The following ADORA1 variants were observed in gnomAD, a reference collection of about 807,000 sequenced individuals.
ADORA1 encodes adenosine A1 receptor.
A neutral mutation model predicts 19.9 loss-of-function variants in ADORA1; 6 were observed. The observed-to-expected ratio is 0.30, with a 90% CI of 0.17 to 0.59. The LOEUF (loss-of-function observed/expected upper bound fraction) is 0.59. Ranked by LOEUF, ADORA1 falls within the 20% of genes least tolerant of loss-of-function variation. The pLI, the probability that ADORA1 is intolerant of heterozygous loss-of-function variation, is 0.87. For missense variants in ADORA1, 302 were observed against 439.2 expected, an observed-to-expected ratio of 0.69 and a Z score of 2.79; for synonymous variants, 194 against 188.4, an observed-to-expected ratio of 1.03 and a Z score of -0.24.
At chr1:203,143,004 G>A (rs1654743544) in intron 3 of ADORA1, among the ~76,000 whole-genome samples, 1 of 152,212 alleles carries the variant, frequency 6.6e-6, no homozygotes, top group Admixed American at 6.5e-5. Context: ...AGCTGATAGA[G>A]TGGCCTGGAT....
rs1191364718 is a variant in ADORA1 at position 203,128,156 on chromosome 1, TGTCCTGGGCTCC to T, written c.-212-117_-212-106del. The T allele has an allele frequency of 2.0e-5, 8 of 390,880 alleles. No individual in the cohort carries two copies. Among genetic ancestry groups the T allele is most frequent in the Non-Finnish European group, 3.7e-5 (8 of 215,984 alleles). The allele number at this position is 390,880 out of a possible 1,614,324, so 24.2% of individuals were successfully genotyped here. Reference sequence around the variant, plus strand: ...GGAATAGGGAGAAACGCCCCAGCCTTGTCCTGGGCTCCGTCCCCAGACCCACGTCTGCCACCC... The same window carrying T: ...GGAATAGGGAGAAACGCCCCAGCCTTGTCCCCAGACCCACGTCTGCCACCC... On this transcript the variant is annotated intron_variant, in intron 1 of 3. Coordinates refer to ENST00000337894, the MANE Select transcript of ADORA1 (RefSeq NM_000674.3). The surrounding 1 kb of genome is among the most constrained non-coding windows in gnomAD (Gnocchi z 5.9).
rs1388307102 is a variant in ADORA1 at position 203,128,326 on chromosome 1, C to T, written c.-164C>T. 9 of 1,287,416 alleles carry T rather than the reference C, an allele frequency of 7.0e-6. No individual in the cohort carries two copies. Among genetic ancestry groups the T allele is most frequent in the South Asian group, 1.2e-5 (1 of 80,924 alleles). 79.7% of individuals were successfully genotyped at this position (1,287,416 alleles called of 1,614,324 possible). A position where few individuals can be genotyped will look rare whatever the true frequency, so the allele number is the denominator to read the frequency against. On this transcript the variant is annotated 5_prime_UTR_variant, in exon 2 of 4. Coordinates refer to ENST00000337894, the MANE Select transcript of ADORA1 (RefSeq NM_000674.3). The surrounding 1 kb of genome is among the most constrained non-coding windows in gnomAD (Gnocchi z 5.9). ...GGAGCCGGAGGACTATGAGCTGCCG[C>T]GCGTTGTCCAGAGCCCAGCCCAGCC...
intron 3 of ADORA1, among the ~76,000 whole-genome samples, chr1:203,141,878 C>T (rs551594562): frequency 6.6e-6 from 1 of 152,256 alleles, no homozygotes; most frequent in African/African-American, 2.4e-5. Context: ...CCACCACACC[C>T]GGCCTAACCT....
chr1:203,138,572 G>A (rs1260412756), intron 3 of ADORA1, among the ~76,000 whole-genome samples: 1 of 152,240 alleles, frequency 6.6e-6, no homozygotes, highest in Non-Finnish European at 1.5e-5. Flanking sequence ...ACAAATGGGT[G>A]AAGTGAGATA....
Position 203,165,616 on chromosome 1 carries a change from G to A in ADORA1, c.697G>A (p.Ala233Thr), listed in dbSNP as rs1427668895. The A allele has an allele frequency of 6.2e-7, 1 of 1,613,008 alleles. No homozygotes were observed. Among genetic ancestry groups the A allele is most frequent in the Non-Finnish European group, 8.5e-7 (1 of 1,179,248 alleles). ...QKYYGKELKI[A>T]KSLALILFLF... The stretch of plus-strand genomic sequence containing the variant: ...GTACTATGGGAAGGAGCTGAAGATC[G>A]CCAAGTCGCTGGCCCTCATCCTCTT... Residue 233 changes from alanine to threonine, a missense_variant, in exon 4 of 4, where the codon GCC (alanine) becomes ACC (threonine). Transcript: ENST00000337894. The surrounding 1 kb of genome is among the most constrained non-coding windows in gnomAD (Gnocchi z 5.9).
At chr1:203,151,330 C>T (rs904795804) in intron 3 of ADORA1, among the ~76,000 whole-genome samples, 10 of 152,176 alleles carry the variant, frequency 6.6e-5, no homozygotes, top group Non-Finnish European at 1.0e-4. Flanking sequence ...CCCAAACCCC[C>T]ACCCCAGACT....
Position 203,165,089 on chromosome 1 carries a change from T to C in ADORA1, c.342-172T>C. ...GCCAATGCATGGCAAGCACTAAATC[T>C]TAGATCCTGAAGACTCAGCCCTCGA... On this transcript the variant is annotated intron_variant, in intron 3 of 3. Coordinates refer to ENST00000337894, the MANE Select transcript of ADORA1 (RefSeq NM_000674.3). This position sits in a 1 kb window ranked among gnomAD's most constrained non-coding sequence, Gnocchi z 5.9. 6.4e-7 allele frequency: 1 copy of C among 1,550,800 alleles called. No individual in the cohort carries two copies. The highest frequency in any genetic ancestry group is 8.7e-7 in the Non-Finnish European group (1 of 1,147,058).
At chr1:203,136,237 G>A (rs1244252023) in intron 3 of ADORA1, among the ~76,000 whole-genome samples, 1 of 152,216 alleles carries the variant, frequency 6.6e-6, no homozygotes, top group African/African-American at 2.4e-5. Flanking sequence ...GTGGGGATAA[G>A]GAGAAGAAGG....
In ADORA1 at chr1:203,154,016, C is replaced by T. The variant is rs566664632; in HGVS notation, c.342-11245C>T. 7.9e-5 allele frequency among the ~76,000 whole-genome samples: 12 copies of T among 152,226 alleles called. No individual in the cohort carries two copies. The East Asian group carries it at 9.7e-4, about 12-fold the overall frequency. On this transcript the variant is annotated intron_variant, in intron 3 of 3. Coordinates refer to ENST00000337894, the MANE Select transcript of ADORA1 (RefSeq NM_000674.3). ...AGATTCAATCCCTGACTATCCAAAC[C>T]GCAGGATGGTGGAAAGACGTGGACC...
chr1:203,133,893 G>A (rs1217414645), intron 3 of ADORA1, among the ~76,000 whole-genome samples: 1 of 152,220 alleles, frequency 6.6e-6, no homozygotes, highest in Non-Finnish European at 1.5e-5. Flanking sequence ...CCCCACCCTG[G>A]CTAGCCTGGG....
At chr1:203,149,959 T>C (rs984638350) in intron 3 of ADORA1, 5 of 152,224 alleles carry the variant, frequency 3.3e-5, no homozygotes, top group Non-Finnish European at 7.3e-5. Flanking sequence ...TATTATTGAG[T>C]GCTTACTGTG....
At chr1:203,154,103 G>A (rs1655120120) in intron 3 of ADORA1, among the ~76,000 whole-genome samples, 1 of 152,198 alleles carries the variant, frequency 6.6e-6, no homozygotes, top group South Asian at 2.1e-4. Flanking sequence ...TGAGGAGCAG[G>A]TGATGAGAAA....
chr1:203,155,275 C>T (rs1655165113), intron 3 of ADORA1, among the ~76,000 whole-genome samples: 1 of 152,116 alleles, frequency 6.6e-6, no homozygotes, highest in Non-Finnish European at 1.5e-5. Flanking sequence ...CTCCTGACCT[C>T]AAGTGATCCA....
chr1:203,155,751 A>T (rs892543477), intron 3 of ADORA1, among the ~76,000 whole-genome samples: 3 of 152,180 alleles, frequency 2.0e-5, no homozygotes, highest in Non-Finnish European at 4.4e-5. Context: ...CATACATTTC[A>T]TAAGAGGCCC....
intron 3 of ADORA1, among the ~76,000 whole-genome samples, chr1:203,132,465 C>A (rs1044931375): frequency 6.6e-6 from 1 of 152,186 alleles, no homozygotes. Context: ...TGAGTTTGAA[C>A]CTTGCTCTGT....
At chr1:203,148,808 C>T (rs1329498476) in intron 3 of ADORA1, among the ~76,000 whole-genome samples, 1 of 152,232 alleles carries the variant, frequency 6.6e-6, no homozygotes, top group African/African-American at 2.4e-5. Flanking sequence ...CCGCCCCTCC[C>T]CTGGCTGCAG....
intron 3 of ADORA1, among the ~76,000 whole-genome samples, chr1:203,160,045 C>G (rs1466320290): frequency 6.6e-6 from 1 of 152,250 alleles, no homozygotes; most frequent in African/African-American, 2.4e-5. Flanking sequence ...CTCCAAGCTT[C>G]CATCCCCCAA....
intron 3 of ADORA1, among the ~76,000 whole-genome samples, chr1:203,155,501 C>T (rs1655173968): frequency 1.3e-5 from 2 of 152,312 alleles, no homozygotes; most frequent in South Asian, 2.1e-4. Context: ...TGATCTCATC[C>T]CTGAAAAGGA....
At chr1:203,164,092 G>A (rs1000025047) in intron 3 of ADORA1, among the ~76,000 whole-genome samples, 3 of 152,212 alleles carry the variant, frequency 2.0e-5, no homozygotes, top group African/African-American at 7.2e-5. Flanking sequence ...GGCTAGATTG[G>A]TTTAAAGGGA....
Sources: gnomAD v4.1 joint callset for allele counts (sites outside exome capture counted in the v4.1 genomes callset) on GRCh38, gnomAD v4.1.1 for gene constraint, Gnocchi (gnomAD v3.1) non-coding constraint, MANE v1.5 for transcripts, NCBI Gene and HGNC (gene_info 2026-07-23, HGNC 2026-07-21) for gene names.